The following FAM153A variants were observed in gnomAD, a reference collection of about 807,000 sequenced individuals.
The protein encoded by FAM153A is protein FAM153A.
In FAM153A, 12 loss-of-function variants were observed where a neutral mutation model predicts 48.1. That is an observed-to-expected ratio of 0.25 (90% CI 0.16 to 0.40). FAM153A has a LOEUF of 0.40. Ranked by LOEUF, FAM153A falls within the 10% of genes least tolerant of loss-of-function variation. The pLI is 1.00. For missense variants in FAM153A, 111 were observed against 345.8 expected (o/e 0.32, Z 5.38); for synonymous variants, 36 against 118.2 (o/e 0.30, Z 4.51).
intron 1 of FAM153A, among the ~76,000 whole-genome samples, chr5:177,763,835 C>T (rs1379680740): frequency 1.3e-5 from 2 of 150,216 alleles, no homozygotes; most frequent in Admixed American, 6.6e-5. Flanking sequence ...ACTGGTCTGG[C>T]CCACTGAGGA....
At chr5:177,699,053 A>G in the FAM153A span, among the ~76,000 whole-genome samples, 1 of 151,812 alleles carries the variant, frequency 6.6e-6, no homozygotes. Context: ...CTCCTACCTC[A>G]GCATCCCAAG....
downstream of FAM153A, among the ~76,000 whole-genome samples, chr5:177,702,989 A>T (rs1225716619): frequency 6.6e-6 from 1 of 151,902 alleles, no homozygotes; most frequent in Non-Finnish European, 1.5e-5. Flanking sequence ...TGAGGAGGGG[A>T]AATGTGGAGT....
downstream of FAM153A, among the ~76,000 whole-genome samples, chr5:177,704,675 G>T (rs192826537): frequency 1.1e-4 from 16 of 151,876 alleles, no homozygotes; most frequent in East Asian, 3.1e-3. Flanking sequence ...TCTCATGATA[G>T]TGAGTGAGAT....
chr5:177,778,813 C>T (rs1202646005), intron 1 of FAM153A, among the ~76,000 whole-genome samples: 1 of 109,586 alleles, frequency 9.1e-6, no homozygotes, highest in Non-Finnish European at 1.9e-5. Flanking sequence ...AATAAATAAA[C>T]AAATGATTGT....
chr5:177,759,205 A>G (rs1340863598), intron 1 of FAM153A, among the ~76,000 whole-genome samples: 1 of 151,942 alleles, frequency 6.6e-6, no homozygotes, highest in African/African-American at 2.4e-5. Context: ...CAGCCAACAG[A>G]CACATGAAAA....
chr5:177,714,156 T>C (rs1435609636), intron 25 of FAM153A: 1 of 151,170 alleles, frequency 6.6e-6, no homozygotes, highest in African/African-American at 2.5e-5. Context: ...AAATCAAGAA[T>C]GTCTTTCTCT....
chr5:177,761,212 CA>C (rs1299014577), intron 1 of FAM153A, among the ~76,000 whole-genome samples: 3 of 151,472 alleles, frequency 2.0e-5, no homozygotes, highest in Non-Finnish European at 4.4e-5. Flanking sequence ...CGCTCCTGCT[CA>C]AACGAGATTT....
In FAM153A at chr5:177,735,241, G is replaced by C. The variant is rs933706797; in HGVS notation, c.665-308C>G. Among the ~76,000 whole-genome samples the C allele has an allele frequency of 2.0e-5, 3 of 148,642 alleles. 1 individual carries two copies. The highest frequency in any genetic ancestry group is 5.2e-5 in the African/African-American group (2 of 38,720). On this transcript the variant is annotated intron_variant, in intron 12 of 20. Transcript: ENST00000614127. The stretch of plus-strand genomic sequence containing the variant: ...CCCTGACAAAGTCATTTCCTCCTCA[G>C]AATCCACATGTGCTGCTGATCTGTT...
At chr5:177,711,408 A>G (rs1355401415) in exon 27 of FAM153A, 1 of 152,012 alleles carries the variant, frequency 6.6e-6, no homozygotes, top group Admixed American at 6.5e-5. Context: ...CTCATTTTCA[A>G]ATATACAAGG....
At chr5:177,698,334 A>C in the FAM153A span, among the ~76,000 whole-genome samples, 4 of 151,882 alleles carry the variant, frequency 2.6e-5, 1 homozygote, top group African/African-American at 9.7e-5. Flanking sequence ...AGTTTTCTTC[A>C]TTCTTAATAC....
At chr5:177,699,982 A>T in the FAM153A span, among the ~76,000 whole-genome samples, 1 of 152,050 alleles carries the variant, frequency 6.6e-6, no homozygotes, top group Non-Finnish European at 1.5e-5. Context: ...AACTGAATCT[A>T]GCAACATATA....
intron 18 of FAM153A, among the ~76,000 whole-genome samples, chr5:177,725,582 T>C (rs1360514743): frequency 4.6e-5 from 7 of 151,476 alleles, no homozygotes; most frequent in African/African-American, 1.7e-4. Flanking sequence ...CCTCCCAGGG[T>C]TTGCCTGAGC....
intron 1 of FAM153A, among the ~76,000 whole-genome samples, chr5:177,762,427 A>C (rs1768382593): frequency 6.9e-6 from 1 of 144,500 alleles, no homozygotes; most frequent in South Asian, 2.4e-4. Flanking sequence ...ACAGTATCAG[A>C]TGTGTCTCCA....
downstream of FAM153A, among the ~76,000 whole-genome samples, chr5:177,717,539 G>GTA (rs531943082): frequency 1.5e-4 from 23 of 151,168 alleles, no homozygotes; most frequent in East Asian, 4.4e-3. Flanking sequence ...GTGCTTTGAT[G>GTA]TCTCATCCCA....
At chr5:177,728,567 T>G (rs1254459395) in intron 18 of FAM153A, among the ~76,000 whole-genome samples, 1 of 143,762 alleles carries the variant, frequency 7.0e-6, no homozygotes, top group Admixed American at 6.9e-5. Context: ...TTTTTTTTGT[T>G]TGTTTTTGTT....
intron 1 of FAM153A, among the ~76,000 whole-genome samples, chr5:177,766,183 C>A (rs1352176307): frequency 1.9e-5 from 2 of 105,482 alleles, no homozygotes; most frequent in African/African-American, 6.3e-5. Context: ...AAAAGAAAGA[C>A]AAGTACTGAG....
rs181195076 is a variant in FAM153A, at chr5:177,765,289, C to A, written c.-57+15160G>T. 7.2e-3 allele frequency among the ~76,000 whole-genome samples: 723 copies of A among 100,748 alleles called. 140 individuals are homozygous for A. The highest frequency in any genetic ancestry group is 8.3e-3 in the Non-Finnish European group (400 of 48,194). 66.1% of individuals were successfully genotyped at this position (100,748 alleles called of 152,430 possible). A position where few individuals can be genotyped will look rare whatever the true frequency, so the allele number is the denominator to read the frequency against. On this transcript the variant is annotated intron_variant, in intron 1 of 8. Coordinates refer to the FAM153A transcript ENST00000393518. The stretch of plus-strand genomic sequence containing the variant: ...TCTGGGCCATCCCCATTGAGGACAC[C>A]TGTCAACACCTGGCCTGGGACCATG...
chr5:177,739,041 C>T, intron 10 of FAM153A, 72 bp downstream of exon 12: 1 of 1,379,908 alleles, frequency 7.2e-7, no homozygotes, highest in Non-Finnish European at 1.0e-6. Flanking sequence ...CCAGAAAACG[C>T]AGGCAAGAAC....
intron 1 of FAM153A, among the ~76,000 whole-genome samples, chr5:177,761,787 AC>A: frequency 1.1e-5 from 1 of 94,860 alleles, no homozygotes; most frequent in Non-Finnish European, 2.1e-5. Flanking sequence ...CCGGGTAGGT[AC>A]CCCAACTGAG....
Sources: gnomAD v4.1 joint callset for allele counts (sites outside exome capture counted in the v4.1 genomes callset) on GRCh38, gnomAD v4.1.1 for gene constraint, MANE v1.5 for transcripts, NCBI Gene and HGNC (gene_info 2026-07-23, HGNC 2026-07-21) for gene names.